NDST4: variants seen among roughly 807,000 people sequenced by gnomAD.
NDST4 encodes N-deacetylase and N-sulfotransferase 4, also known as N-heparan sulfate sulfotransferase 4.
NDST4 carries 63 observed loss-of-function variants against 100.8 expected under a neutral mutation model. That is an observed-to-expected ratio of 0.62 (90% CI 0.51 to 0.77). The LOEUF is 0.77. Among genes scored for constraint, NDST4 ranks in the 30% least tolerant of loss-of-function variants. NDST4 has a pLI of 0.00. For missense variants in NDST4, 943 were observed against 1,018.4 expected, an observed-to-expected ratio of 0.93 and a Z score of 1.01; for synonymous variants, 377 against 361.8, an observed-to-expected ratio of 1.04 and a Z score of -0.48.
At chr4:115,054,214 T>A (rs1483814141) in intron 2 of NDST4, among the ~76,000 whole-genome samples, 4 of 152,010 alleles carry the variant, frequency 2.6e-5, no homozygotes, top group Non-Finnish European at 5.9e-5. Flanking sequence ...AATAGTAGAA[T>A]TATTGGAAAA....
chr4:115,007,322 A>G (rs1466087429), intron 2 of NDST4, among the ~76,000 whole-genome samples: 1 of 152,182 alleles, frequency 6.6e-6, no homozygotes, highest in Admixed American at 6.6e-5. Flanking sequence ...TGGTGACAAA[A>G]TGTGCTTTTA....
intron 2 of NDST4, among the ~76,000 whole-genome samples, chr4:114,982,535 C>G (rs976003979): frequency 1.4e-4 from 22 of 152,120 alleles, no homozygotes; most frequent in Admixed American, 6.6e-4. Context: ...TGGCCTGGCC[C>G]TTCCTAAAAG....
At chr4:114,832,335 G>C (rs1202441063) in intron 12 of NDST4, among the ~76,000 whole-genome samples, 1 of 152,144 alleles carries the variant, frequency 6.6e-6, no homozygotes, top group East Asian at 1.9e-4. Context: ...TCCTCTGTTA[G>C]CCTCTCTAAT....
intron 12 of NDST4, among the ~76,000 whole-genome samples, chr4:114,832,995 G>A (rs1381385922): frequency 2.0e-5 from 3 of 152,150 alleles, no homozygotes; most frequent in African/African-American, 7.2e-5. Flanking sequence ...CTTCCAGGCT[G>A]TGGCTCTAAA....
intron 9 of NDST4, among the ~76,000 whole-genome samples, chr4:114,846,772 GA>G (rs1254661762): frequency 2.0e-5 from 3 of 152,112 alleles, no homozygotes; most frequent in African/African-American, 7.2e-5. Flanking sequence ...GAGCAATTAA[GA>G]ATTCATATAA....
At chr4:114,941,053 G>A (rs975623972) in intron 4 of NDST4, among the ~76,000 whole-genome samples, 1 of 152,176 alleles carries the variant, frequency 6.6e-6, no homozygotes, top group African/African-American at 2.4e-5. Flanking sequence ...AGGCTTGAGG[G>A]TGTGGCCCCT....
At chr4:114,830,060 G>A (rs1723162400) in intron 12 of NDST4, among the ~76,000 whole-genome samples, 168 bp from the exon 13 acceptor site, 1 of 152,128 alleles carries the variant, frequency 6.6e-6, no homozygotes, top group African/African-American at 2.4e-5. Context: ...TGAGATGAAA[G>A]AAGCTATATG....
At chr4:114,834,911 T>A (rs928986520) in intron 11 of NDST4, among the ~76,000 whole-genome samples, 1 of 152,226 alleles carries the variant, frequency 6.6e-6, no homozygotes, top group African/African-American at 2.4e-5. Context: ...GTGTTTATAG[T>A]ATTCTCTGAT....
In NDST4 at chr4:114,935,232, G is replaced by A. The variant is rs761206860; in HGVS notation, c.1510C>T (p.Leu504Phe). The change falls in exon 6 of 14, where the codon CTT becomes TTT. Residue 504 changes from leucine to phenylalanine, a missense_variant. Physicochemically the swap from Leu to Phe is conservative, Grantham distance 22. Coordinates refer to ENST00000264363, the MANE Select transcript of NDST4 (RefSeq NM_022569.3). ...ELDKSIRGGE[L>F]FLTILLNPIS... ...GGGTTTAGAAGGATTGTGAGAAAAA[G>A]TTCACCTCCTCTGATACTTTTATCC... 1.2e-6 allele frequency: 2 copies of A among 1,608,254 alleles called. No homozygotes were observed. The highest frequency in any genetic ancestry group is 1.7e-5 in the Admixed American group (1 of 59,000).
chr4:115,098,743 G>A (rs1176656225), intron 1 of NDST4, among the ~76,000 whole-genome samples: 2 of 152,132 alleles, frequency 1.3e-5, no homozygotes. Flanking sequence ...CACCCAGGCT[G>A]GAGTGCAGTG....
At chr4:115,051,313 G>A (rs1383002) in intron 2 of NDST4, among the ~76,000 whole-genome samples, 2 of 150,884 alleles carry the variant, frequency 1.3e-5, no homozygotes, top group South Asian at 4.2e-4. Context: ...TTTTTATAGC[G>A]GTAAAATATA....
At chr4:114,938,426 T>A (rs1380297450) in intron 4 of NDST4, among the ~76,000 whole-genome samples, 1 of 152,250 alleles carries the variant, frequency 6.6e-6, no homozygotes, top group African/African-American at 2.4e-5. Context: ...TATTGCTAGG[T>A]ACATAAAATA....
intron 2 of NDST4, among the ~76,000 whole-genome samples, chr4:114,991,384 A>G (rs1308380787): frequency 6.6e-6 from 1 of 152,138 alleles, no homozygotes; most frequent in Non-Finnish European, 1.5e-5. Flanking sequence ...TATGGGGTGA[A>G]GAGAACAAAT....
At position 114,990,136 on chromosome 4, in the gene NDST4, ATAAC is replaced by A. The variant is rs772821679; in HGVS notation, c.979-12866_979-12863del. ...ATGATAGAATGAGTAATCAAGCAAA[ATAAC>A]TATCCTAATTCTTTTAAAATTTAAG... On this transcript the variant is annotated intron_variant, in intron 2 of 13. Coordinates refer to ENST00000264363, the MANE Select transcript of NDST4 (RefSeq NM_022569.3). Among the ~76,000 whole-genome samples the A allele has an allele frequency of 1.2e-4, 19 of 152,216 alleles. No individual in the cohort carries two copies. The East Asian group carries it at 3.5e-3, about 28-fold the overall frequency.
intron 7 of NDST4, among the ~76,000 whole-genome samples, chr4:114,864,024 T>A (rs1238679797): frequency 6.6e-6 from 1 of 152,186 alleles, no homozygotes; most frequent in Non-Finnish European, 1.5e-5. Context: ...TAGGATGCAT[T>A]AAAATAACTT....
intron 6 of NDST4, among the ~76,000 whole-genome samples, chr4:114,924,111 A>T (rs1359671456): frequency 6.6e-6 from 1 of 152,120 alleles, no homozygotes; most frequent in Non-Finnish European, 1.5e-5. Context: ...TCAGGAGGCA[A>T]ACATATTTTG....
At chr4:114,834,513 C>CAAAAA (rs869097688) in intron 11 of NDST4, among the ~76,000 whole-genome samples, 3 of 63,846 alleles carry the variant, frequency 4.7e-5, no homozygotes, top group East Asian at 5.2e-4. Flanking sequence ...GACTCCATCT[C>CAAAAA]AAAAAAAAAA....
At chr4:114,939,743 A>C (rs1278347178) in intron 4 of NDST4, among the ~76,000 whole-genome samples, 1 of 152,170 alleles carries the variant, frequency 6.6e-6, no homozygotes, top group Non-Finnish European at 1.5e-5. Context: ...CAGTAAAAAA[A>C]AGTTACTATA....
intron 12 of NDST4, among the ~76,000 whole-genome samples, chr4:114,830,742 A>AT (rs1276832822): frequency 1.3e-5 from 2 of 152,208 alleles, no homozygotes; most frequent in South Asian, 2.1e-4. Flanking sequence ...AAAGGTTTGC[A>AT]TTTTTGCTGC....
Sources: gnomAD v4.1 joint callset for allele counts (sites outside exome capture counted in the v4.1 genomes callset) on GRCh38, gnomAD v4.1.1 for gene constraint, MANE v1.5 for transcripts, NCBI Gene and HGNC (gene_info 2026-07-23, HGNC 2026-07-21) for gene names.